Variants in SGCZ observed in about 807,000 individuals in gnomAD.
The protein encoded by SGCZ is zeta-sarcoglycan.
In SGCZ, 40 loss-of-function variants were observed where a neutral mutation model predicts 41.3. That is an observed-to-expected ratio of 0.97 (90% CI 0.75 to 1.26). The LOEUF is 1.26. SGCZ is among the 50% of genes most tolerant of loss of function. The pLI is 0.00. For synonymous variants in SGCZ, 206 were observed against 137.5 expected, an observed-to-expected ratio of 1.50 and a Z score of -3.49; for missense variants, 552 against 369.8, an observed-to-expected ratio of 1.49 and a Z score of -4.04.
At chr8:14,361,977 C>T (rs1185664949) in intron 2 of SGCZ, among the ~76,000 whole-genome samples, 1 of 152,188 alleles carries the variant, frequency 6.6e-6, no homozygotes, top group Non-Finnish European at 1.5e-5. Context: ...TAGAGGTCAA[C>T]TCCAGACCCT....
intron 1 of SGCZ, among the ~76,000 whole-genome samples, chr8:14,940,493 T>C (rs1800235201): frequency 6.6e-6 from 1 of 152,114 alleles, no homozygotes; most frequent in African/African-American, 2.4e-5. Flanking sequence ...ACACATTTCC[T>C]AAGTAAAATA....
At chr8:14,145,603 G>C (rs1803497386) in intron 5 of SGCZ, among the ~76,000 whole-genome samples, 1 of 152,084 alleles carries the variant, frequency 6.6e-6, no homozygotes, top group South Asian at 2.1e-4. Context: ...ATAGCAAAAG[G>C]ACCAATCTTG....
intron 1 of SGCZ, among the ~76,000 whole-genome samples, chr8:14,616,199 C>A (rs572142826): frequency 3.3e-5 from 5 of 151,656 alleles, no homozygotes; most frequent in African/African-American, 1.2e-4. Flanking sequence ...AGGAGAATGG[C>A]GTGAACCCAG....
chr8:15,189,247 A>G (rs997325888), intron 1 of SGCZ, among the ~76,000 whole-genome samples: 6 of 152,334 alleles, frequency 3.9e-5, no homozygotes, highest in Non-Finnish European at 2.9e-5. Flanking sequence ...GTCAGAAAGT[A>G]AAGAGAACTA....
At chr8:15,001,704 G>C (rs1340117968) in intron 1 of SGCZ, among the ~76,000 whole-genome samples, 1 of 141,560 alleles carries the variant, frequency 7.1e-6, no homozygotes, top group African/African-American at 2.7e-5. Flanking sequence ...ACTCCAGCCT[G>C]GGCAAAAGAG....
intron 1 of SGCZ, among the ~76,000 whole-genome samples, chr8:15,014,629 C>T (rs1482081988): frequency 6.6e-6 from 1 of 152,154 alleles, no homozygotes; most frequent in Non-Finnish European, 1.5e-5. Context: ...TTTGGCTACT[C>T]AGCATGGACA....
intron 2 of SGCZ, among the ~76,000 whole-genome samples, chr8:14,401,238 C>T (rs1392263545): frequency 1.3e-5 from 2 of 152,056 alleles, no homozygotes; most frequent in Admixed American, 6.6e-5. Flanking sequence ...ATAATCAATA[C>T]TTAACTCAAA....
chr8:14,839,976 T>A (rs1223369727), intron 1 of SGCZ, among the ~76,000 whole-genome samples: 1 of 152,138 alleles, frequency 6.6e-6, no homozygotes, highest in Non-Finnish European at 1.5e-5. Context: ...ATCAACTTGT[T>A]TTTTACTTTT....
At chr8:14,596,785 T>C (rs1805426319) in intron 1 of SGCZ, among the ~76,000 whole-genome samples, 1 of 152,196 alleles carries the variant, frequency 6.6e-6, no homozygotes, top group Non-Finnish European at 1.5e-5. Context: ...CATGTATACC[T>C]ATGTAACAAA....
At chr8:15,097,859 T>TACAC (rs1485978682) in intron 1 of SGCZ, among the ~76,000 whole-genome samples, 65 of 4,304 alleles carry the variant, frequency 0.015, no homozygotes, top group East Asian at 0.13. Flanking sequence ...TATATATACG[T>TACAC]GTGTGTGTAT....
At chr8:14,666,377 G>C (rs1807910992) in intron 1 of SGCZ, among the ~76,000 whole-genome samples, 1 of 152,166 alleles carries the variant, frequency 6.6e-6, no homozygotes, top group Admixed American at 6.5e-5. Flanking sequence ...AATCTGTCCT[G>C]CAAGTGAATT....
rs193300448 is a variant in SGCZ, at chr8:14,799,006, A to G, written c.40-244080T>C. Among the ~76,000 whole-genome samples the G allele has an allele frequency of 1.8e-4, 27 of 152,040 alleles. 1 individual carries two copies. The highest frequency in any genetic ancestry group is 1.4e-3 in the Admixed American group (22 of 15,274). ...ACCATAATACAGTAGTGGATTCTAA[A>G]AAAGCAAAAGTATTACTCCATTTTC... On this transcript the variant is annotated intron_variant, in intron 1 of 7. Coordinates refer to ENST00000382080, the MANE Select transcript of SGCZ (RefSeq NM_139167.4).
intron 5 of SGCZ, among the ~76,000 whole-genome samples, chr8:14,134,612 C>A (rs545987412): frequency 2.0e-5 from 3 of 152,252 alleles, no homozygotes; most frequent in African/African-American, 7.2e-5. Flanking sequence ...AACAAATTGT[C>A]AGGGCTCTCA....
chr8:15,097,784 G>GCA (rs1806407624), intron 1 of SGCZ, among the ~76,000 whole-genome samples: 1 of 127,940 alleles, frequency 7.8e-6, no homozygotes, highest in Admixed American at 7.9e-5. Context: ...ATATATACGT[G>GCA]TATATATATA....
chr8:15,215,304 C>T (rs1181635394), intron 1 of SGCZ, among the ~76,000 whole-genome samples: 1 of 152,140 alleles, frequency 6.6e-6, no homozygotes, highest in Non-Finnish European at 1.5e-5. Context: ...GCCTCTAAAA[C>T]GTTTTTCCTA....
chr8:15,179,175 T>G (rs182791309), intron 1 of SGCZ, among the ~76,000 whole-genome samples: 327 of 152,212 alleles, frequency 2.1e-3, no homozygotes, highest in Non-Finnish European at 3.8e-3. Flanking sequence ...ATTAACCTGT[T>G]TAAGTAAAGA....
chr8:14,595,810 T>G (rs1386505615), intron 1 of SGCZ, among the ~76,000 whole-genome samples: 1 of 152,226 alleles, frequency 6.6e-6, no homozygotes, highest in East Asian at 1.9e-4. Context: ...GAAAATTTAA[T>G]TGTTCTGACA....
chr8:14,527,542 C>G (rs899749722), intron 2 of SGCZ, among the ~76,000 whole-genome samples: 1 of 151,142 alleles, frequency 6.6e-6, no homozygotes, highest in African/African-American at 2.5e-5. Flanking sequence ...AAATATTCAC[C>G]TTTTTTTAAA....
Position 14,086,133 on chromosome 8 carries a change from A to G in SGCZ, c.*4310T>C, listed in dbSNP as rs116574720. ...TCCATATGTCATTAAATATGATCAC[A>G]TGAACAACTCTTATTAGACCACAGC... On this transcript the variant is annotated 3_prime_UTR_variant, in exon 8 of 8. Transcript: ENST00000382080. Among the ~76,000 whole-genome samples the G allele has an allele frequency of 8.8e-3, 1,337 of 151,836 alleles. 15 individuals carry two copies. Among genetic ancestry groups the G allele is most frequent in the African/African-American group, 0.03 (1,239 of 41,518 alleles).
Sources: gnomAD v4.1 joint callset for allele counts (sites outside exome capture counted in the v4.1 genomes callset) on GRCh38, gnomAD v4.1.1 for gene constraint, MANE v1.5 for transcripts, NCBI Gene and HGNC (gene_info 2026-07-23, HGNC 2026-07-21) for gene names.